Variants in CTNNA3 observed in about 807,000 individuals in gnomAD.
CTNNA3 encodes the protein catenin alpha 3, also known as catenin alpha-3.
CTNNA3 carries 76 observed loss-of-function variants against 95.7 expected under a neutral mutation model. That is an observed-to-expected ratio of 0.79 (90% CI 0.66 to 0.96). The LOEUF is 0.96. CTNNA3 is among the 40% of genes least tolerant of loss of function. The probability of loss-of-function intolerance (pLI) is 0.00; values close to 1 mark genes in which losing one functional copy is unlikely to be tolerated. For synonymous variants in CTNNA3, 431 were observed against 374.4 expected (o/e 1.15, Z -1.74); for missense variants, 1,191 against 1,089.8 (o/e 1.09, Z -1.31).
chr10:66,950,593 T>C (rs1848490753), intron 7 of CTNNA3, among the ~76,000 whole-genome samples: 1 of 152,096 alleles, frequency 6.6e-6, no homozygotes, highest in Non-Finnish European at 1.5e-5. Flanking sequence ...ATATTTTATA[T>C]ATTTTTAATA....
At chr10:66,954,201 A>G (rs1388732809) in intron 7 of CTNNA3, among the ~76,000 whole-genome samples, 1 of 152,194 alleles carries the variant, frequency 6.6e-6, no homozygotes, top group East Asian at 1.9e-4. Context: ...GATTTTTCTT[A>G]ATACATTTCA....
At chr10:67,055,812 T>A (rs1357904969) in intron 7 of CTNNA3, among the ~76,000 whole-genome samples, 1 of 152,142 alleles carries the variant, frequency 6.6e-6, no homozygotes, top group Non-Finnish European at 1.5e-5. Flanking sequence ...TGTCTTAAAT[T>A]TCCCCAACAA....
At chr10:67,744,785 T>C (rs1056201534) in intron 1 of CTNNA3, among the ~76,000 whole-genome samples, 8 of 151,782 alleles carry the variant, frequency 5.3e-5, no homozygotes, top group Admixed American at 2.0e-4. Context: ...GAATCTACAA[T>C]GAATTCAAAC....
At chr10:67,094,948 A>C (rs932590707) in intron 7 of CTNNA3, among the ~76,000 whole-genome samples, 1 of 151,540 alleles carries the variant, frequency 6.6e-6, no homozygotes, top group East Asian at 1.9e-4. Context: ...GTATCACCAA[A>C]ATTTGCATTT....
At chr10:66,999,143 CTTTTA>C (rs940754695) in intron 7 of CTNNA3, among the ~76,000 whole-genome samples, 2 of 152,012 alleles carry the variant, frequency 1.3e-5, no homozygotes, top group African/African-American at 4.8e-5. Context: ...ATTTGTACTA[CTTTTA>C]TTTATCATTT....
chr10:66,665,852 A>G (rs890678201), intron 9 of CTNNA3, among the ~76,000 whole-genome samples: 9 of 152,142 alleles, frequency 5.9e-5, no homozygotes, highest in Non-Finnish European at 4.4e-5. Flanking sequence ...CAGAGATTAC[A>G]CTTTCCAAAA....
chr10:66,905,989 C>A (rs1359321799), intron 7 of CTNNA3, among the ~76,000 whole-genome samples: 1 of 151,970 alleles, frequency 6.6e-6, no homozygotes, highest in Non-Finnish European at 1.5e-5. Context: ...GTTAAGGGTT[C>A]TTACCATAAT....
At chr10:67,429,663 CT>C (rs1207931284) in intron 5 of CTNNA3, among the ~76,000 whole-genome samples, 1 of 151,918 alleles carries the variant, frequency 6.6e-6, no homozygotes, top group East Asian at 1.9e-4. Flanking sequence ...ATCCAAATCC[CT>C]TATTTTTGCC....
chr10:67,309,421 G>A (rs768176490), intron 5 of CTNNA3, among the ~76,000 whole-genome samples: 9 of 152,192 alleles, frequency 5.9e-5, no homozygotes, highest in East Asian at 1.9e-4. Flanking sequence ...TATGGGAGGT[G>A]GAAGTATGAT....
Position 67,238,836 on chromosome 10 carries a change from G to C in CTNNA3, c.580-18966C>G, listed in dbSNP as rs536189709. The stretch of plus-strand genomic sequence containing the variant: ...CTACTTCATTATAATTCTCTTGAAT[G>C]CAAGTACTATGGCTTACTTATTTTA... On this transcript the variant is annotated intron_variant, in intron 5 of 17. Coordinates refer to ENST00000433211, the MANE Select transcript of CTNNA3 (RefSeq NM_013266.4). Among the ~76,000 whole-genome samples, 4 of 152,176 alleles carry C rather than the reference G, an allele frequency of 2.6e-5. No individual in the cohort carries two copies. The East Asian group carries it at 7.7e-4, about 29-fold the overall frequency.
chr10:66,443,733 G>A (rs1296250036), intron 11 of CTNNA3, among the ~76,000 whole-genome samples: 2 of 151,976 alleles, frequency 1.3e-5, no homozygotes, highest in Admixed American at 6.6e-5. Context: ...AAAAAACAGA[G>A]CAGAAAAACC....
intron 13 of CTNNA3, among the ~76,000 whole-genome samples, chr10:66,268,339 T>C (rs76843105): frequency 0.072 from 10,998 of 152,174 alleles, 511 homozygotes; most frequent in Admixed American, 0.12. Context: ...AAAGTTAGGA[T>C]ACAAAAGGCA....
intron 9 of CTNNA3, among the ~76,000 whole-genome samples, chr10:66,680,144 C>G (rs1445602954): frequency 6.6e-6 from 1 of 151,246 alleles, no homozygotes; most frequent in African/African-American, 2.4e-5. Flanking sequence ...ACTACAAGCA[C>G]ATGCCACCAT....
intron 11 of CTNNA3, among the ~76,000 whole-genome samples, chr10:66,508,286 C>A (rs575207398): frequency 6.7e-6 from 1 of 149,256 alleles, no homozygotes; most frequent in African/African-American, 2.5e-5. Context: ...CCAGCCTGCA[C>A]GGTAGAGTGA....
rs12416111 is a variant in CTNNA3, at chr10:67,604,266, A to G, written c.292+2591T>C. On this transcript the variant is annotated intron_variant, in intron 3 of 17. Coordinates refer to ENST00000433211, the MANE Select transcript of CTNNA3 (RefSeq NM_013266.4). ...CACATGCACAGAGGCATAAAGCAAC[A>G]CGGAACATTCAAGAAACTGCGAGTT... Among the ~76,000 whole-genome samples the G allele has an allele frequency of 4.6e-5, 7 of 152,156 alleles. 1 individual carries two copies. The highest frequency in any genetic ancestry group is 4.6e-4 in the Admixed American group (7 of 15,276).
chr10:66,611,587 C>T (rs940571507), intron 10 of CTNNA3, among the ~76,000 whole-genome samples: 4 of 152,114 alleles, frequency 2.6e-5, no homozygotes, highest in African/African-American at 9.7e-5. Flanking sequence ...CTTCTGGCCC[C>T]TGCCCTCTCC....
At chr10:66,411,833 C>T (rs991771402) in intron 11 of CTNNA3, among the ~76,000 whole-genome samples, 2 of 152,072 alleles carry the variant, frequency 1.3e-5, no homozygotes, top group Non-Finnish European at 2.9e-5. Flanking sequence ...ATGCAGAGTT[C>T]CTCCAGGAAA....
intron 7 of CTNNA3, among the ~76,000 whole-genome samples, chr10:67,048,714 G>A (rs577385146): frequency 6.6e-5 from 10 of 152,036 alleles, no homozygotes; most frequent in Non-Finnish European, 1.3e-4. Context: ...TTCAAAAACA[G>A]GTACATGATA....
rs6480265 is a variant in CTNNA3, at chr10:67,522,285, A to C, written c.460-324T>G. Among the ~76,000 whole-genome samples the C allele has an allele frequency of 0.14, 20,897 of 152,178 alleles. 3,204 individuals carry two copies. The highest frequency in any genetic ancestry group is 0.38 in the African/African-American group (15,941 of 41,448). ...TACTTCTGCTTTAAAATTTTTTAGA[A>C]AGCACTGTGAATGTATAATTTTAAA... On this transcript the variant is annotated intron_variant, in intron 4 of 17. Coordinates refer to ENST00000433211, the MANE Select transcript of CTNNA3 (RefSeq NM_013266.4).
Sources: allele counts gnomAD v4.1 joint callset (sites outside exome capture counted in the v4.1 genomes callset), GRCh38; gene constraint gnomAD v4.1.1; transcripts MANE v1.5; gene names NCBI Gene and HGNC (gene_info 2026-07-23, HGNC 2026-07-21).